NPAT: variants seen among roughly 807,000 people sequenced by gnomAD.
NPAT encodes protein NPAT.
A neutral mutation model predicts 130.7 loss-of-function variants in NPAT; 52 were observed. The observed-to-expected ratio is 0.40, with a 90% CI of 0.32 to 0.50. The LOEUF is 0.50. NPAT is among the 20% of genes least tolerant of loss of function. The pLI, the probability that NPAT is intolerant of heterozygous loss-of-function variation, is 0.68. For synonymous variants in NPAT, 580 were observed against 584.8 expected (o/e 0.99, Z 0.12); for missense variants, 1,687 against 1,662.6 (o/e 1.01, Z -0.26).
chr11:108,189,122 T>C lies in NPAT; in HGVS notation c.540A>G (p.Ser180=). 3 of 1,613,888 alleles carry C rather than the reference T, an allele frequency of 1.9e-6. No homozygotes were observed. Among genetic ancestry groups the C allele is most frequent in the Non-Finnish European group, 2.5e-6 (3 of 1,179,788 alleles). The part of the protein sequence containing the change: ...SYFVVVNHSQ[S]QDTVTTGEAL... The stretch of plus-strand genomic sequence containing the variant: ...TAAACTTACTGGTTACAGTATCTTG[T>C]GACTGTGAGTGGTTGACCACTACAA... The change falls in exon 6 of 18, where the codon TCA becomes TCG. Residue 180 remains serine (S), a synonymous_variant. Coordinates refer to ENST00000278612, the MANE Select transcript of NPAT (RefSeq NM_002519.3).
intron 2 of NPAT, among the ~76,000 whole-genome samples, chr11:108,196,670 T>C (rs80130550): frequency 0.022 from 3,297 of 152,330 alleles, 46 homozygotes; most frequent in Non-Finnish European, 0.034. Context: ...TGTTTGTTTG[T>C]TTGTTGCTAT....
At chr11:108,203,377 C>T (rs1408637168) in intron 1 of NPAT, among the ~76,000 whole-genome samples, 1 of 152,156 alleles carries the variant, frequency 6.6e-6, no homozygotes, top group Non-Finnish European at 1.5e-5. Flanking sequence ...TACCCTCTCT[C>T]CCTCTCTAGG....
rs767312237 is a variant in NPAT at position 108,177,108 on chromosome 11, C to T, written c.907-18G>A. ...ATTTCACTCTGCAAGAAAGGAGTGG[C>T]GTGAAGGCATGATTCTAACTGAATT... On this transcript the variant is annotated intron_variant, in intron 10 of 17. Coordinates refer to ENST00000278612, the MANE Select transcript of NPAT (RefSeq NM_002519.3). The T allele has an allele frequency of 1.3e-5, 18 of 1,368,076 alleles. No homozygotes were observed. Among genetic ancestry groups the T allele is most frequent in the Non-Finnish European group, 1.7e-5 (16 of 957,722 alleles). 84.7% of individuals were successfully genotyped at this position (1,368,076 alleles called of 1,614,324 possible). A position where few individuals can be genotyped will look rare whatever the true frequency, so the allele number is the denominator to read the frequency against.
intron 17 of NPAT, among the ~76,000 whole-genome samples, chr11:108,160,301 C>G (rs924599550): frequency 6.6e-6 from 1 of 152,010 alleles, no homozygotes; most frequent in African/African-American, 2.4e-5. Flanking sequence ...CCAGCCTGGG[C>G]AACGAGAGTG....
At chr11:108,195,318 CAA>C (rs1433383613) in intron 2 of NPAT, among the ~76,000 whole-genome samples, 1 of 152,178 alleles carries the variant, frequency 6.6e-6, no homozygotes, top group Non-Finnish European at 1.5e-5. Flanking sequence ...CAGTAAGAAA[CAA>C]GAGTTCCTGC....
intron 1 of NPAT, among the ~76,000 whole-genome samples, chr11:108,217,245 C>G (rs2078443287): frequency 6.6e-6 from 1 of 152,186 alleles, no homozygotes; most frequent in African/African-American, 2.4e-5. Flanking sequence ...CTGCCTTGCA[C>G]CCTAAGCTGC....
chr11:108,185,277 G>A lies in NPAT; in HGVS notation c.861C>T (p.Asn287=), dbSNP rs34021883. 1,217 of 1,612,298 alleles carry A rather than the reference G, an allele frequency of 7.5e-4. 14 individuals are homozygous for A. The African/African-American group carries it at 0.014, about 18-fold the overall frequency. ...IAQVPKQTDN[N]PTEPETSIDE... is the part of the protein sequence containing the mutation. ...CAATTGAAGTCTCTGGCTCCGTAGGGTTGTTATCTGTTTGCTTAGGTACTT... is the reference window on the plus strand; with the variant it reads ...CAATTGAAGTCTCTGGCTCCGTAGGATTGTTATCTGTTTGCTTAGGTACTT... The change falls in exon 10 of 18, where the codon AAC becomes AAT. Residue 287 remains asparagine (N), a synonymous_variant. Transcript: ENST00000278612.
In NPAT at chr11:108,207,720, G is replaced by C. The variant is rs115197345; in HGVS notation, c.38-10300C>G. Among the ~76,000 whole-genome samples the C allele has an allele frequency of 8.3e-3, 1,260 of 152,322 alleles. 16 individuals carry two copies. Among genetic ancestry groups the C allele is most frequent in the African/African-American group, 0.029 (1,186 of 41,574 alleles). On this transcript the variant is annotated intron_variant, in intron 1 of 17. Coordinates refer to ENST00000278612, the MANE Select transcript of NPAT (RefSeq NM_002519.3). Reference sequence around the variant, plus strand: ...GGCGCTTCCAAGCCTGCAGGGAAAGGGGGGCTTCCCTGGCCCCCGAGAGTG... The same window carrying C: ...GGCGCTTCCAAGCCTGCAGGGAAAGCGGGGCTTCCCTGGCCCCCGAGAGTG...
intron 1 of NPAT, chr11:108,208,316 A>G (rs1267265718): frequency 2.9e-6 from 1 of 339,332 alleles, no homozygotes; most frequent in Non-Finnish European, 5.9e-6. Flanking sequence ...ATCCACAAAA[A>G]GATAACATGG....
In NPAT at chr11:108,207,614, G is replaced by A. The variant is rs556460946; in HGVS notation, c.38-10194C>T. Among the ~76,000 whole-genome samples, 22 of 152,380 alleles carry A rather than the reference G, an allele frequency of 1.4e-4. No individual in the cohort carries two copies. In the South Asian group the frequency reaches 3.7e-3, roughly 26 times the overall value. ...GTGTGCACACACCCAGCCAGGTCCC[G>A]ACAGCAGCAGGCTCAGCCTCAACTT... is the stretch of plus-strand genomic sequence containing the variant. On this transcript the variant is annotated intron_variant, in intron 1 of 17. Coordinates refer to ENST00000278612, the MANE Select transcript of NPAT (RefSeq NM_002519.3).
intron 3 of NPAT, 90 bp downstream of exon 3, chr11:108,193,867 C>T (rs1261342687): frequency 3.4e-5 from 27 of 797,752 alleles, no homozygotes; most frequent in Non-Finnish European, 1.9e-5. Flanking sequence ...TTTTATGAGA[C>T]ATTAATAACC....
chr11:108,200,067 A>G (rs1011315870), intron 1 of NPAT, among the ~76,000 whole-genome samples: 12 of 152,316 alleles, frequency 7.9e-5, no homozygotes, highest in Middle Eastern at 3.4e-3. Flanking sequence ...AATGACTGAG[A>G]GTTTTCTTTC....
At chr11:108,160,002 T>C (rs532231222) in intron 17 of NPAT, among the ~76,000 whole-genome samples, 123 of 151,938 alleles carry the variant, frequency 8.1e-4, no homozygotes, top group South Asian at 1.7e-3. Flanking sequence ...CATACAAAAA[T>C]TAGCTGGGTG....
chr11:108,205,453 A>G (rs2078316582), intron 1 of NPAT, among the ~76,000 whole-genome samples: 1 of 152,000 alleles, frequency 6.6e-6, no homozygotes, highest in Non-Finnish European at 1.5e-5. Context: ...TTTAATAGAG[A>G]TGGTGTCTCA....
intron 5 of NPAT, among the ~76,000 whole-genome samples, chr11:108,190,237 C>T (rs191965863): frequency 6.8e-5 from 10 of 146,022 alleles, no homozygotes; most frequent in African/African-American, 2.0e-4. Flanking sequence ...CGCTTGAACC[C>T]GGGAGGTGGA....
chr11:108,198,330 C>A (rs1402215638), intron 1 of NPAT, among the ~76,000 whole-genome samples: 1 of 152,002 alleles, frequency 6.6e-6, no homozygotes, highest in Non-Finnish European at 1.5e-5. Context: ...AGTCAAAAAA[C>A]CAAAAATCTG....
intron 1 of NPAT, among the ~76,000 whole-genome samples, chr11:108,207,999 C>T (rs565253931): frequency 6.6e-6 from 1 of 152,342 alleles, no homozygotes. Context: ...TCAAGTAAGA[C>T]TTAAAGTTGT....
At chr11:108,182,376 T>C (rs11825683) in intron 10 of NPAT, among the ~76,000 whole-genome samples, 1 of 152,244 alleles carries the variant, frequency 6.6e-6, no homozygotes, top group Non-Finnish European at 1.5e-5. Flanking sequence ...TTACACCTTA[T>C]TATCCTGTTT....
At chr11:108,172,003 T>C (rs945011027) in intron 13 of NPAT, 196 bp downstream of exon 13, 1 of 592,376 alleles carries the variant, frequency 1.7e-6, no homozygotes, top group Non-Finnish European at 3.0e-6. Context: ...CTAAAGCCCA[T>C]AGCTTACTAG....
Sources: allele counts gnomAD v4.1 joint callset (sites outside exome capture counted in the v4.1 genomes callset), GRCh38; gene constraint gnomAD v4.1.1; transcripts MANE v1.5; gene names NCBI Gene and HGNC (gene_info 2026-07-23, HGNC 2026-07-21).